Variants in COQ3 observed in about 807,000 individuals in gnomAD.
The protein encoded by COQ3 is ubiquinone biosynthesis O-methyltransferase, mitochondrial.
COQ3 carries 29 observed loss-of-function variants against 33.1 expected under a neutral mutation model. That is an observed-to-expected ratio of 0.88 (90% CI 0.65 to 1.19). The LOEUF (loss-of-function observed/expected upper bound fraction) is 1.19. COQ3 is among the 50% of genes most tolerant of loss of function. The pLI is 0.00. For synonymous variants in COQ3, 173 were observed against 157.8 expected (o/e 1.10, Z -0.72); for missense variants, 437 against 430.7 (o/e 1.01, Z -0.13).
At chr6:99,379,580 C>G (rs1774409028) in intron 3 of COQ3, among the ~76,000 whole-genome samples, 1 of 152,148 alleles carries the variant, frequency 6.6e-6, no homozygotes. Context: ...TTGGGCCAGG[C>G]ACGGTAGCTC....
intron 1 of COQ3, among the ~76,000 whole-genome samples, chr6:99,390,482 C>T (rs1177421121): frequency 6.6e-6 from 1 of 151,856 alleles, no homozygotes; most frequent in Non-Finnish European, 1.5e-5. Flanking sequence ...TACAGGTGCC[C>T]GCCACCACGC....
At chr6:99,377,530 T>G (rs1263088756) in intron 3 of COQ3, 45 bp from the exon 4 acceptor site, 21 of 1,405,412 alleles carry the variant, frequency 1.5e-5, no homozygotes, top group Non-Finnish European at 2.0e-5. Flanking sequence ...TAATTAATTT[T>G]ATCAACGAAA....
intron 4 of COQ3, among the ~76,000 whole-genome samples, chr6:99,376,491 A>T (rs1774286440): frequency 2.0e-5 from 3 of 152,268 alleles, no homozygotes; most frequent in African/African-American, 7.2e-5. Flanking sequence ...TACAGTATTA[A>T]CATATTTAAA....
In COQ3 at chr6:99,371,553, T is replaced by C. The variant is rs554950031; in HGVS notation, c.764A>G (p.Lys255Arg). ...GGSLFITTIN[K>R]TQLSYALGIV... ...TCCCAAGGCATAGGAAAGTTGTGTT[T>C]TGTTGATTGTAGTAATGAATAAAGA... The change falls in exon 6 of 7, where the codon AAA becomes AGA. Residue 255 changes from lysine (K) to arginine (R), a missense_variant. Physicochemically the swap from Lys to Arg is conservative, Grantham distance 26. Transcript: ENST00000254759. 8 of 1,605,066 alleles carry C rather than the reference T, an allele frequency of 5.0e-6. No individual in the cohort carries two copies. In the Admixed American group the frequency reaches 1.0e-4, roughly 21 times the overall value.
At chr6:99,392,601 C>G (rs1236864941) in intron 1 of COQ3, among the ~76,000 whole-genome samples, 2 of 151,688 alleles carry the variant, frequency 1.3e-5, no homozygotes, top group African/African-American at 4.8e-5. Flanking sequence ...CACAGATTCT[C>G]GAGCTGGTCC....
intron 1 of COQ3, 81 bp downstream of exon 1, chr6:99,393,993 C>T: frequency 1.6e-6 from 2 of 1,216,194 alleles, no homozygotes; most frequent in Non-Finnish European, 1.2e-6. Context: ...AGACAACCCA[C>T]CGCCCCACCC....
chr6:99,380,397 A>T (rs1562205939), intron 2 of COQ3, 56 bp from the exon 3 acceptor site: 1 of 1,532,024 alleles, frequency 6.5e-7, no homozygotes, highest in East Asian at 2.3e-5. Context: ...GAAATGTTTA[A>T]CATGGGATAT....
At chr6:99,391,188 T>C (rs1404048479) in intron 1 of COQ3, among the ~76,000 whole-genome samples, 4 of 151,830 alleles carry the variant, frequency 2.6e-5, no homozygotes, top group Non-Finnish European at 5.9e-5. Context: ...AGCCTCTACC[T>C]CCTGGGCTCA....
At chr6:99,377,535 AC>A in intron 3 of COQ3, 50 bp from the exon 4 acceptor site, 1 of 1,322,604 alleles carries the variant, frequency 7.6e-7, no homozygotes, top group Non-Finnish European at 1.1e-6. Context: ...AATTTTATCA[AC>A]GAAAAGTCAC....
chr6:99,375,887 C>A, intron 5 of COQ3, 53 bp downstream of exon 5: 1 of 1,596,586 alleles, frequency 6.3e-7, no homozygotes, highest in Non-Finnish European at 8.6e-7. Context: ...GCTATAGATA[C>A]AAATACACAC....
chr6:99,383,204 G>A (rs1354147340), intron 2 of COQ3: 2 of 152,106 alleles, frequency 1.3e-5, no homozygotes, highest in African/African-American at 4.8e-5. Context: ...TTAAAAGTTG[G>A]CTTATAAAAT....
At chr6:99,381,957 C>T (rs969336905) in intron 2 of COQ3, among the ~76,000 whole-genome samples, 3 of 151,052 alleles carry the variant, frequency 2.0e-5, no homozygotes, top group African/African-American at 7.3e-5. Flanking sequence ...CTTCCTTGAT[C>T]CTCAAAACTG....
Position 99,380,169 on chromosome 6 carries a change from T to C in COQ3, c.386+20A>G. The C allele has an allele frequency of 6.2e-7, 1 of 1,603,688 alleles. No individual in the cohort carries two copies. The highest frequency in any genetic ancestry group is 8.5e-7 in the Non-Finnish European group (1 of 1,172,968). On this transcript the variant is annotated intron_variant, in intron 3 of 6. Coordinates refer to ENST00000254759, the MANE Select transcript of COQ3 (RefSeq NM_017421.4). ...TTAAAAAGTTCCATTTAAAAAGACT[T>C]AGAGTTTCTGGAGTGTTACCTAATA...
At chr6:99,380,011 A>T (rs1015003808) in intron 3 of COQ3, among the ~76,000 whole-genome samples, 178 bp downstream of exon 3, 4 of 152,222 alleles carry the variant, frequency 2.6e-5, no homozygotes, top group African/African-American at 9.6e-5. Context: ...ACCTTGCATG[A>T]TATTATTAAA....
At chr6:99,370,344 C>CTTTTTTTTTTTTTTTTTTTTTTTTTATT in intron 6 of COQ3, among the ~76,000 whole-genome samples, 1 of 101,252 alleles carries the variant, frequency 9.9e-6, no homozygotes, top group African/African-American at 3.9e-5. Context: ...CTTTTCTTTA[C>CTTTTTTTTTTTTTTTTTTTTTTTTTATT]TTTTTTTTTT....
intron 2 of COQ3, 37 bp downstream of exon 2, chr6:99,383,661 A>G: frequency 1.3e-6 from 2 of 1,487,036 alleles, no homozygotes; most frequent in South Asian, 2.6e-5. Context: ...ATTACATATA[A>G]TTACGTGAAT....
chr6:99,376,173 G>T lies in COQ3; in HGVS notation c.496C>A (p.Arg166=), dbSNP rs375375802. The T allele has an allele frequency of 6.8e-6, 11 of 1,613,582 alleles. No individual in the cohort carries two copies. The Admixed American group carries it at 1.8e-4, about 27-fold the overall frequency. ...GGGLLTEPLG[R]LGASVIGIDP... is the part of the protein sequence containing the mutation. The stretch of plus-strand genomic sequence containing the variant: ...ATTCCAATAACTGAAGCCCCAAGCC[G>T]CCCTAGAGGCTAATGGCATTAAAAA... Residue 166 remains arginine, a synonymous_variant, in exon 5 of 7, where the codon CGG becomes AGG. Coordinates refer to ENST00000254759, the MANE Select transcript of COQ3 (RefSeq NM_017421.4).
intron 1 of COQ3, among the ~76,000 whole-genome samples, chr6:99,392,089 A>C (rs1292161972): frequency 1.3e-5 from 2 of 152,244 alleles, no homozygotes; most frequent in Non-Finnish European, 2.9e-5. Flanking sequence ...GTTTGTATTT[A>C]AACAGAATGC....
At chr6:99,385,270 A>G (rs1774592411) in intron 1 of COQ3, among the ~76,000 whole-genome samples, 1 of 152,232 alleles carries the variant, frequency 6.6e-6, no homozygotes, top group Admixed American at 6.5e-5. Flanking sequence ...GCAGGGATAA[A>G]GAAGAACAGA....
Sources: allele counts gnomAD v4.1 joint callset (sites outside exome capture counted in the v4.1 genomes callset), GRCh38; gene constraint gnomAD v4.1.1; transcripts MANE v1.5; gene names NCBI Gene and HGNC (gene_info 2026-07-23, HGNC 2026-07-21).